Variants in SLCO5A1 observed in about 807,000 individuals in gnomAD.
The protein encoded by SLCO5A1 is organic anion transporter polypeptide-related protein 4.
Under a neutral mutation model 65.1 loss-of-function variants are expected in SLCO5A1, and 39 were observed. The observed-to-expected ratio is 0.60, with a 90% CI of 0.46 to 0.78. The LOEUF (loss-of-function observed/expected upper bound fraction) is 0.78. Among genes scored for constraint, SLCO5A1 ranks in the 30% least tolerant of loss-of-function variants. The probability of loss-of-function intolerance (pLI) is 0.00; values close to 1 mark genes in which losing one functional copy is unlikely to be tolerated. For synonymous variants in SLCO5A1, 438 were observed against 415.7 expected (o/e 1.05, Z -0.65); for missense variants, 1,029 against 1,069.4 (o/e 0.96, Z 0.53).
chr8:69,679,185 G>A (rs1024019078), intron 8 of SLCO5A1, among the ~76,000 whole-genome samples, 193 bp downstream of exon 8: 1 of 152,172 alleles, frequency 6.6e-6, no homozygotes, highest in Non-Finnish European at 1.5e-5. Context: ...AGTATGAAAT[G>A]TTACAACCTT....
chr8:69,818,670 T>C (rs1382921717), intron 2 of SLCO5A1, among the ~76,000 whole-genome samples: 2 of 152,224 alleles, frequency 1.3e-5, no homozygotes, highest in African/African-American at 4.8e-5. Context: ...ACCCTTTGTT[T>C]TGCAGTTAGA....
intron 6 of SLCO5A1, among the ~76,000 whole-genome samples, chr8:69,684,729 C>T (rs900603824): frequency 3.3e-5 from 5 of 152,178 alleles, no homozygotes; most frequent in African/African-American, 9.7e-5. Context: ...TTGCTGTACA[C>T]TGCTTCTCTA....
At chr8:69,678,152 G>A (rs1813624589) in intron 8 of SLCO5A1, among the ~76,000 whole-genome samples, 1 of 152,164 alleles carries the variant, frequency 6.6e-6, no homozygotes, top group Non-Finnish European at 1.5e-5. Context: ...TACAAATGCT[G>A]GAATGTAACA....
intron 6 of SLCO5A1, among the ~76,000 whole-genome samples, chr8:69,703,172 A>G (rs1814827013): frequency 6.6e-6 from 1 of 152,136 alleles, no homozygotes; most frequent in Admixed American, 6.5e-5. Flanking sequence ...TAAGGTTTTC[A>G]TAACTCTCAC....
intron 6 of SLCO5A1, among the ~76,000 whole-genome samples, chr8:69,698,948 T>A (rs984918836): frequency 6.6e-6 from 1 of 152,168 alleles, no homozygotes; most frequent in Non-Finnish European, 1.5e-5. Context: ...TTATGTCAAC[T>A]GAGCAAGCAG....
chr8:69,684,295 G>GCTA (rs1372546553), intron 6 of SLCO5A1, among the ~76,000 whole-genome samples: 2 of 152,174 alleles, frequency 1.3e-5, no homozygotes, highest in Non-Finnish European at 2.9e-5. Context: ...CTGAGGGGGT[G>GCTA]CTACGGGCAT....
intron 2 of SLCO5A1, among the ~76,000 whole-genome samples, chr8:69,765,509 C>T (rs536899509): frequency 6.6e-6 from 1 of 151,976 alleles, no homozygotes; most frequent in Non-Finnish European, 1.5e-5. Flanking sequence ...CTAGAAGAAG[C>T]CTTTCTGGCT....
chr8:69,807,369 T>C (rs1353673383), intron 2 of SLCO5A1, among the ~76,000 whole-genome samples: 3 of 152,248 alleles, frequency 2.0e-5, no homozygotes, highest in African/African-American at 7.2e-5. Context: ...TTTAAAATCC[T>C]TTCTTTTTGT....
intron 2 of SLCO5A1, among the ~76,000 whole-genome samples, chr8:69,793,386 C>T (rs184096680): frequency 1.3e-5 from 2 of 152,136 alleles, no homozygotes; most frequent in Admixed American, 1.3e-4. Context: ...AAATAAAAGT[C>T]ATTCAGAACC....
intron 4 of SLCO5A1, among the ~76,000 whole-genome samples, chr8:69,743,453 G>A (rs1039890250): frequency 3.3e-5 from 5 of 152,146 alleles, no homozygotes; most frequent in Non-Finnish European, 7.3e-5. Context: ...CAGGGCTCAA[G>A]CAATCCTCCC....
chr8:69,714,507 C>T (rs1001561556), intron 5 of SLCO5A1, among the ~76,000 whole-genome samples: 1 of 152,080 alleles, frequency 6.6e-6, no homozygotes, highest in Non-Finnish European at 1.5e-5. Context: ...GCTGCTGCAC[C>T]CCAGCTGTCT....
intron 5 of SLCO5A1, among the ~76,000 whole-genome samples, chr8:69,720,488 C>T (rs957025894): frequency 2.0e-5 from 3 of 152,234 alleles, no homozygotes; most frequent in Admixed American, 6.5e-5. Flanking sequence ...TATTTCTGTA[C>T]TCAAAGTTGC....
chr8:69,815,593 T>C (rs1820368265), intron 2 of SLCO5A1, among the ~76,000 whole-genome samples: 1 of 151,856 alleles, frequency 6.6e-6, no homozygotes, highest in African/African-American at 2.4e-5. Context: ...CAATTCCTTG[T>C]CTTGATGTTT....
chr8:69,784,786 T>TG lies in SLCO5A1; in HGVS notation c.908-22912dup, dbSNP rs1304479436. 1.4e-4 allele frequency among the ~76,000 whole-genome samples: 7 copies of TG among 51,070 alleles called. No individual in the cohort carries two copies. The East Asian group carries it at 2.5e-3, about 18-fold the overall frequency. 33.5% of individuals were successfully genotyped at this position (51,070 alleles called of 152,430 possible). Reference sequence around the variant, plus strand: ...CTGGGCAACAGAGCAAGACTCTGTCTGAAAAAAAAAGAAAGAAAGAAAGAA... The same window carrying TG: ...CTGGGCAACAGAGCAAGACTCTGTCTGGAAAAAAAAAGAAAGAAAGAAAGAA... On this transcript the variant is annotated intron_variant, in intron 2 of 9. Coordinates refer to ENST00000260126, the MANE Select transcript of SLCO5A1 (RefSeq NM_030958.3).
intron 5 of SLCO5A1, among the ~76,000 whole-genome samples, chr8:69,716,345 T>C (rs1205751457): frequency 6.6e-6 from 1 of 152,246 alleles, no homozygotes; most frequent in African/African-American, 2.4e-5. Context: ...GATACATGCC[T>C]AGAAATGGAA....
Position 69,723,418 on chromosome 8 carries a change from A to AT in SLCO5A1, c.1423+14621dup, listed in dbSNP as rs199595698. On this transcript the variant is annotated intron_variant, in intron 5 of 9. Transcript: ENST00000260126. Reference sequence around the variant, plus strand: ...AGGCACAAGCCACCATGCCCACCTAATTTTTTTTTTTATTTTTTGTAGAGA... The same window carrying AT: ...AGGCACAAGCCACCATGCCCACCTAATTTTTTTTTTTTATTTTTTGTAGAGA... Among the ~76,000 whole-genome samples, 225 of 146,836 alleles carry AT rather than the reference A, an allele frequency of 1.5e-3. 1 individual carries two copies. The highest frequency in any genetic ancestry group is 4.8e-3 in the African/African-American group (191 of 40,120).
chr8:69,673,177 A>C lies in SLCO5A1; in HGVS notation c.2239T>G (p.Phe747Val). The change falls in exon 10 of 10, where the codon TTC becomes GTC. Residue 747 changes from phenylalanine (F) to valine (V), a missense_variant. Phe to Val is a conservative substitution (Grantham distance 50). Around this residue, in one of 3 missense-constraint regions of SLCO5A1, gnomAD observed 258 missense variants for 237.4 expected, o/e 1.09. Transcript: ENST00000260126. Reference protein sequence around the residue: ...VYFGLAAGLKFVGFIFIFLAW... With the variant: ...VYFGLAAGLKVVGFIFIFLAW... ...AGAAAAATAAAAATAAACCCAACGAATTTGAGGCCGGCAGCCAAACCAAAA... is the reference window on the plus strand; with the variant it reads ...AGAAAAATAAAAATAAACCCAACGACTTTGAGGCCGGCAGCCAAACCAAAA... 6.2e-7 allele frequency: 1 copy of C among 1,614,190 alleles called. No homozygotes were observed. Among genetic ancestry groups the C allele is most frequent in the Non-Finnish European group, 8.5e-7 (1 of 1,180,032 alleles).
At chr8:69,759,529 A>G (rs930562757) in intron 3 of SLCO5A1, among the ~76,000 whole-genome samples, 11 of 152,188 alleles carry the variant, frequency 7.2e-5, no homozygotes, top group African/African-American at 2.7e-4. Flanking sequence ...ATGGATTATA[A>G]AAACTGAGGC....
intron 5 of SLCO5A1, among the ~76,000 whole-genome samples, chr8:69,716,666 CTTAT>C (rs1815554652): frequency 6.6e-6 from 1 of 151,914 alleles, no homozygotes; most frequent in Non-Finnish European, 1.5e-5. Context: ...TTTTAATTGG[CTTAT>C]TTTTCTTTTT....
Sources: allele counts gnomAD v4.1 joint callset (sites outside exome capture counted in the v4.1 genomes callset), GRCh38; gene constraint gnomAD v4.1.1; regional missense constraint gnomAD v4.1.1; transcripts MANE v1.5; gene names NCBI Gene and HGNC (gene_info 2026-07-23, HGNC 2026-07-21).